Variants in PRKN observed in about 807,000 individuals in gnomAD.
PRKN encodes E3 ubiquitin-protein ligase parkin.
PRKN carries 56 observed loss-of-function variants against 59.5 expected under a neutral mutation model. The observed-to-expected ratio is 0.94, with a 90% CI of 0.76 to 1.18. The LOEUF (loss-of-function observed/expected upper bound fraction) is 1.18. PRKN is among the 50% of genes most tolerant of loss of function. The pLI is 0.00. For missense variants in PRKN, 657 were observed against 596.4 expected (o/e 1.10, Z -1.06); for synonymous variants, 250 against 222.1 (o/e 1.13, Z -1.12).
chr6:161,715,552 C>T (rs961026532), intron 7 of PRKN, among the ~76,000 whole-genome samples: 4 of 152,114 alleles, frequency 2.6e-5, no homozygotes, highest in African/African-American at 9.7e-5. Context: ...AAAGATGTGT[C>T]CTCCTAACAG....
intron 2 of PRKN, among the ~76,000 whole-genome samples, chr6:162,354,930 A>T (rs1784783807): frequency 6.6e-6 from 1 of 151,926 alleles, no homozygotes; most frequent in Non-Finnish European, 1.5e-5. Flanking sequence ...TTTTTTTTAA[A>T]TGCAAACACA....
Position 161,429,017 on chromosome 6 carries a change from C to A in PRKN, c.1084-42140G>T, listed in dbSNP as rs1370045515. Among the ~76,000 whole-genome samples the A allele has an allele frequency of 6.6e-6, 1 of 152,160 alleles. No homozygotes were observed. Among genetic ancestry groups the A allele is most frequent in the Non-Finnish European group, 1.5e-5 (1 of 68,038 alleles). On this transcript the variant is annotated intron_variant, in intron 9 of 11. Transcript: ENST00000366898. This position sits in a 1 kb window ranked among gnomAD's most constrained non-coding sequence, Gnocchi z 4.2. ...TGGTTCAAGAAGGGGGAAAGTTTTG[C>A]TCATGTCCAAGAGATAACGTAAGAT...
At chr6:162,457,301 A>G (rs962627373) in intron 1 of PRKN, among the ~76,000 whole-genome samples, 1 of 152,200 alleles carries the variant, frequency 6.6e-6, no homozygotes, top group African/African-American at 2.4e-5. Context: ...ATTTCAGACT[A>G]TTAAAAATCA....
intron 7 of PRKN, among the ~76,000 whole-genome samples, chr6:161,682,362 T>C (rs574859079): frequency 6.6e-6 from 1 of 152,342 alleles, no homozygotes; most frequent in African/African-American, 2.4e-5. Context: ...GAGTCAGATT[T>C]AATTTGATTT....
In PRKN at chr6:161,582,050, G is replaced by A. The variant is rs907255375; in HGVS notation, c.872-12634C>T. 1.3e-5 allele frequency among the ~76,000 whole-genome samples: 2 copies of A among 152,102 alleles called. No homozygotes were observed. Among genetic ancestry groups the A allele is most frequent in the Non-Finnish European group, 1.5e-5 (1 of 68,012 alleles). The stretch of plus-strand genomic sequence containing the variant: ...TTAACTTGTTACTCCCCAGCTCACC[G>A]TGCCCAGAGCTCCACGCATGACTGA... On this transcript the variant is annotated intron_variant, in intron 7 of 11. Coordinates refer to ENST00000366898, the MANE Select transcript of PRKN (RefSeq NM_004562.3). The surrounding 1 kb of genome is among the most constrained non-coding windows in gnomAD (Gnocchi z 4.4).
chr6:161,799,113 C>G lies in PRKN; in HGVS notation c.735-13205G>C, dbSNP rs114451982. On this transcript the variant is annotated intron_variant, in intron 6 of 11. Transcript: ENST00000366898. ...GCTTTTGTGCCATAATAGCAGCATT[C>G]ACTAGCTGTGACAGGTCCTAGATGG... Among the ~76,000 whole-genome samples, 1,299 of 152,338 alleles carry G rather than the reference C, an allele frequency of 8.5e-3. 23 individuals are homozygous for G. Among genetic ancestry groups the G allele is most frequent in the African/African-American group, 0.029 (1,226 of 41,592 alleles).
chr6:161,414,955 C>T lies in PRKN; in HGVS notation c.1084-28078G>A, dbSNP rs1433996797. 6.6e-6 allele frequency among the ~76,000 whole-genome samples: 1 copy of T among 152,220 alleles called. No homozygotes were observed. The highest frequency in any genetic ancestry group is 1.5e-5 in the Non-Finnish European group (1 of 68,054). On this transcript the variant is annotated intron_variant, in intron 9 of 11. Coordinates refer to ENST00000366898, the MANE Select transcript of PRKN (RefSeq NM_004562.3). This position sits in a 1 kb window ranked among gnomAD's most constrained non-coding sequence, Gnocchi z 5.3. ...GAATTCACTTTCTTCCACCTACACA[C>T]TGTTGGCAGCTCCTCAGAGGGAAGG...
chr6:162,176,590 T>G (rs1454441632), intron 4 of PRKN, among the ~76,000 whole-genome samples: 1 of 131,996 alleles, frequency 7.6e-6, no homozygotes, highest in African/African-American at 2.5e-5. Flanking sequence ...AATTAAAAGT[T>G]TTAAATGTAG....
chr6:162,538,532 G>A (rs1187468912), intron 1 of PRKN, among the ~76,000 whole-genome samples: 3 of 152,188 alleles, frequency 2.0e-5, no homozygotes, highest in African/African-American at 2.4e-5. Flanking sequence ...AAAGTTTGGT[G>A]TGCTATGTGG....
intron 5 of PRKN, among the ~76,000 whole-genome samples, chr6:161,981,317 T>A (rs187631250): frequency 3.2e-4 from 49 of 152,350 alleles, no homozygotes; most frequent in Admixed American, 2.3e-3. Context: ...AACTACTAGT[T>A]TTAAGTCTTC....
intron 7 of PRKN, among the ~76,000 whole-genome samples, chr6:161,569,630 A>C (rs1316853153): frequency 6.6e-6 from 1 of 152,214 alleles, no homozygotes; most frequent in Non-Finnish European, 1.5e-5. Flanking sequence ...CTCTTTAGAA[A>C]ACAGTTGCAT....
At chr6:162,069,965 T>C (rs1468134242) in intron 4 of PRKN, among the ~76,000 whole-genome samples, 2 of 152,184 alleles carry the variant, frequency 1.3e-5, no homozygotes, top group Non-Finnish European at 2.9e-5. Context: ...ACTATGATCA[T>C]AATAAAAGCA....
Position 161,562,695 on chromosome 6 carries a change from C to T in PRKN, c.933+6660G>A, listed in dbSNP as rs1171357831. ...CTCACCTGCCCCATTTTGCTCATCT[C>T]AGTCAAATAGAACTTTCAAACTCCT... is the stretch of plus-strand genomic sequence containing the variant. On this transcript the variant is annotated intron_variant, in intron 8 of 11. Transcript: ENST00000366898. The surrounding 1 kb of genome is among the most constrained non-coding windows in gnomAD (Gnocchi z 4.3). Among the ~76,000 whole-genome samples, 4 of 152,200 alleles carry T rather than the reference C, an allele frequency of 2.6e-5. No homozygotes were observed.
chr6:161,933,542 T>C (rs1420248686), intron 6 of PRKN, among the ~76,000 whole-genome samples: 2 of 152,236 alleles, frequency 1.3e-5, no homozygotes, highest in Non-Finnish European at 2.9e-5. Flanking sequence ...AGCTTAGTAT[T>C]GTTATGAAAA....
chr6:162,705,326 T>G (rs1481063279), intron 1 of PRKN, among the ~76,000 whole-genome samples: 2 of 152,112 alleles, frequency 1.3e-5, no homozygotes, highest in Non-Finnish European at 2.9e-5. Flanking sequence ...TCATTTACAC[T>G]CACAATGCCA....
intron 2 of PRKN, among the ~76,000 whole-genome samples, chr6:162,413,299 A>AG (rs1296058880): frequency 2.6e-5 from 4 of 152,152 alleles, no homozygotes; most frequent in African/African-American, 9.7e-5. Context: ...CACGACACAC[A>AG]GCTTGCAAGA....
chr6:161,358,331 C>T (rs1047703072), intron 11 of PRKN, among the ~76,000 whole-genome samples: 6 of 150,952 alleles, frequency 4.0e-5, no homozygotes, highest in African/African-American at 1.2e-4. Context: ...AAATTAAGGC[C>T]GGGCACAGTG....
At chr6:162,216,166 T>C (rs938209063) in intron 3 of PRKN, among the ~76,000 whole-genome samples, 4 of 152,134 alleles carry the variant, frequency 2.6e-5, no homozygotes, top group Non-Finnish European at 5.9e-5. Flanking sequence ...TGAAAGGCCA[T>C]CTTCACTTTC....
chr6:162,041,643 G>T, intron 5 of PRKN, among the ~76,000 whole-genome samples: 1 of 152,170 alleles, frequency 6.6e-6, no homozygotes, highest in Non-Finnish European at 1.5e-5. Flanking sequence ...TACTCCAGTT[G>T]TGATCACTGG....
Sources: allele counts gnomAD v4.1 joint callset (sites outside exome capture counted in the v4.1 genomes callset), GRCh38; gene constraint gnomAD v4.1.1; non-coding constraint Gnocchi (gnomAD v3.1); transcripts MANE v1.5; gene names NCBI Gene and HGNC (gene_info 2026-07-23, HGNC 2026-07-21).